The following KDM5A variants were observed in gnomAD, a reference collection of about 807,000 sequenced individuals.
KDM5A encodes lysine demethylase 5A.
A neutral mutation model predicts 193.5 loss-of-function variants in KDM5A; 42 were observed. The observed-to-expected ratio is 0.22, with a 90% CI of 0.17 to 0.28. The LOEUF (loss-of-function observed/expected upper bound fraction) is 0.28. Among genes scored for constraint, KDM5A ranks in the 10% least tolerant of loss-of-function variants. The pLI, the probability that KDM5A is intolerant of heterozygous loss-of-function variation, is 1.00. For missense variants in KDM5A, 1,692 were observed against 2,055.1 expected (o/e 0.82, Z 3.42); for synonymous variants, 796 against 718.1 (o/e 1.11, Z -1.73).
At position 307,123 on chromosome 12, in the gene KDM5A, G is replaced by A. The variant is rs754099610; in HGVS notation, c.3931-34C>T. ...CAAATAATTCCAAGATGAACAGCAA[G>A]ACATGCTAAACAGACAGGGTAATTA... On this transcript the variant is annotated intron_variant, in intron 23 of 27. Transcript: ENST00000399788. The surrounding 1 kb of genome is among the most constrained non-coding windows in gnomAD (Gnocchi z 4.3). The A allele has an allele frequency of 1.9e-6, 3 of 1,613,454 alleles. No individual in the cohort carries two copies. The South Asian group carries it at 3.3e-5, about 18-fold the overall frequency.
chr12:311,170 T>G (rs1943581333), intron 20 of KDM5A, 106 bp from the exon 21 acceptor site: 1 of 952,654 alleles, frequency 1.0e-6, no homozygotes, highest in African/African-American at 1.6e-5. Context: ...TTATTAAATA[T>G]TATTCTTTGA....
rs1187421991 is a variant in KDM5A, at chr12:307,883, G to A, written c.3501C>T (p.Arg1167=). Residue 1167 remains arginine (R), a synonymous_variant, in exon 23 of 28, where the codon CGC becomes CGT. Transcript: ENST00000399788. This position sits in a 1 kb window ranked among gnomAD's most constrained non-coding sequence, Gnocchi z 4.3. Reference sequence around the variant, plus strand: ...GTAGCATAAACCCACTGGCTGTCTTGCGGCAAATGCAAAATTTTACTTCTT... The same window carrying A: ...GTAGCATAAACCCACTGGCTGTCTTACGGCAAATGCAAAATTTTACTTCTT... The part of the protein sequence containing the change: ...RIEEVKFCIC[R]KTASGFMLQC... The A allele has an allele frequency of 4.3e-6, 7 of 1,613,952 alleles. No individual in the cohort carries two copies. In the African/African-American group the frequency reaches 8.0e-5, roughly 18 times the overall value.
rs2137354690 is a variant in KDM5A at position 285,465 on chromosome 12, C to T, written c.5064G>A (p.Glu1688=). ...SYKLPMEDLK[E]TS is the part of the protein sequence containing the mutation. ...ACTAACCAAGCATCTGCTAACTGGT[C>T]TCTTTAAGATCCTCCATTGGTAGTT... The change falls in exon 28 of 28, where the codon GAG becomes GAA. Residue 1688 remains glutamate (E), a synonymous_variant. Transcript: ENST00000399788. 2 of 1,613,890 alleles carry T rather than the reference C, an allele frequency of 1.2e-6. No homozygotes were observed. The highest frequency in any genetic ancestry group is 1.7e-6 in the Non-Finnish European group (2 of 1,179,858).
At chr12:366,929 G>A (rs1944364023) in intron 3 of KDM5A, among the ~76,000 whole-genome samples, 1 of 152,168 alleles carries the variant, frequency 6.6e-6, no homozygotes, top group East Asian at 1.9e-4. Flanking sequence ...TTTGTGTTTA[G>A]ATACATACAC....
intron 16 of KDM5A, 51 bp from the exon 17 acceptor site, chr12:322,618 G>C: frequency 6.5e-7 from 1 of 1,540,030 alleles, no homozygotes; most frequent in Non-Finnish European, 8.9e-7. Flanking sequence ...GACACAAAAA[G>C]CCATTCTAAA....
chr12:338,410 G>A (rs552274629), intron 10 of KDM5A, among the ~76,000 whole-genome samples: 1 of 152,296 alleles, frequency 6.6e-6, no homozygotes, highest in East Asian at 1.9e-4. Context: ...CTTTACACGT[G>A]TTGCCATAAT....
At chr12:321,608 T>C (rs1033642345) in intron 17 of KDM5A, among the ~76,000 whole-genome samples, 3 of 152,168 alleles carry the variant, frequency 2.0e-5, no homozygotes, top group Admixed American at 6.6e-5. Context: ...AACAAAATGG[T>C]AAATAAAAAA....
rs1394376421 is a variant in KDM5A at position 351,144 on chromosome 12, CTTTT to C, written c.1150-369_1150-366del. Among the ~76,000 whole-genome samples the C allele has an allele frequency of 2.0e-5, 3 of 152,040 alleles. 1 individual carries two copies. The highest frequency in any genetic ancestry group is 1.9e-4 in the East Asian group (1 of 5,196). On this transcript the variant is annotated intron_variant, in intron 9 of 27. Coordinates refer to ENST00000399788, the MANE Select transcript of KDM5A (RefSeq NM_001042603.3). The stretch of plus-strand genomic sequence containing the variant: ...TGATTTTAACACAAAATTTCATTTT[CTTTT>C]TGTTTTTAATTATACTTTAAGTTCT...
Position 356,466 on chromosome 12 carries a change from A to C in KDM5A, c.744T>G (p.Val248=). The C allele has an allele frequency of 6.2e-7, 1 of 1,613,136 alleles. No individual in the cohort carries two copies. Among genetic ancestry groups the C allele is most frequent in the Non-Finnish European group, 8.5e-7 (1 of 1,179,094 alleles). ...KLQIFGAGPK[V]VGLAMGTKDK... The stretch of plus-strand genomic sequence containing the variant: ...CTTTTGTTCCCATTGCCAAGCCCAC[A>C]ACCTTGGGCCCAGCCCCAAAAATCT... The change falls in exon 6 of 28, where the codon GTT becomes GTG. Residue 248 remains valine (V), a synonymous_variant. Transcript: ENST00000399788.
chr12:360,555 T>G (rs61103141), intron 5 of KDM5A, among the ~76,000 whole-genome samples: 5,820 of 152,158 alleles, frequency 0.038, 355 homozygotes, highest in African/African-American at 0.13. Flanking sequence ...AGAGATCAAT[T>G]AAGATATGAA....
rs1259931264 is a variant in KDM5A, at chr12:285,271, A to G, written c.*185T>C. ...ACCAAAGAAGACACCCTCTGCATAG[A>G]TATGTTGATAGAGAATGTAACCCAC... is the stretch of plus-strand genomic sequence containing the variant. On this transcript the variant is annotated 3_prime_UTR_variant, in exon 28 of 28. Transcript: ENST00000399788. The G allele has an allele frequency of 1.6e-6, 1 of 615,912 alleles. No homozygotes were observed. Among genetic ancestry groups the G allele is most frequent in the Non-Finnish European group, 2.9e-6 (1 of 344,750 alleles). The allele number at this position is 615,912 out of a possible 1,614,324, so 38.2% of individuals were successfully genotyped here. A position where few individuals can be genotyped will look rare whatever the true frequency, so the allele number is the denominator to read the frequency against.
chr12:333,522 T>C lies in KDM5A; in HGVS notation c.1618A>G (p.Met540Val), dbSNP rs1360207839. ...TGCTCCATTAGCACGTTGGGGTTCA[T>C]GATGGTAACTAACTGATGCAGAAGA... ...PDLLHQLVTI[M>V]NPNVLMEHGV... Residue 540 changes from methionine to valine, a missense_variant, in exon 12 of 28, where the codon ATG becomes GTG. Transcript: ENST00000399788. 1.2e-6 allele frequency: 2 copies of C among 1,614,048 alleles called. No homozygotes were observed. The highest frequency in any genetic ancestry group is 1.1e-5 in the South Asian group (1 of 91,086).
intron 5 of KDM5A, 93 bp from the exon 6 acceptor site, chr12:356,630 CG>C (rs1051503143): frequency 2.8e-5 from 22 of 778,488 alleles, no homozygotes; most frequent in Non-Finnish European, 4.9e-5. Flanking sequence ...CTCTTCAACA[CG>C]GAAGAACAAA....
chr12:285,962 T>G (rs550608995), intron 27 of KDM5A, among the ~76,000 whole-genome samples: 6 of 152,324 alleles, frequency 3.9e-5, no homozygotes, highest in African/African-American at 1.4e-4. Context: ...AAAAGGGAAC[T>G]TCTAATAGAG....
chr12:323,210 C>T lies in KDM5A; in HGVS notation c.2151-4G>A. 1 of 294,570 alleles carries T rather than the reference C, an allele frequency of 3.4e-6. No individual in the cohort carries two copies. Among genetic ancestry groups the T allele is most frequent in the Non-Finnish European group, 4.8e-6 (1 of 209,430 alleles). The allele number at this position is 294,570 out of a possible 1,614,324, so 18.2% of individuals were successfully genotyped here. ...GTCTTCTAATGGGTAGCGATATCTA[C>T]AAAAAAAAAAAAAAAAAAAAAAAAA... is the stretch of plus-strand genomic sequence containing the variant. On this transcript the variant is annotated splice_polypyrimidine_tract_variant and splice_region_variant and intron_variant, in intron 15 of 27. Coordinates refer to ENST00000399788, the MANE Select transcript of KDM5A (RefSeq NM_001042603.3).
chr12:311,183 G>T, intron 20 of KDM5A, 119 bp from the exon 21 acceptor site: 1 of 866,206 alleles, frequency 1.2e-6, no homozygotes, highest in Non-Finnish European at 1.8e-6. Context: ...TTCTTTGAAT[G>T]TAATTCCATC....
intron 22 of KDM5A, 98 bp from the exon 23 acceptor site, chr12:308,103 G>T: frequency 1.5e-6 from 2 of 1,342,946 alleles, no homozygotes; most frequent in Non-Finnish European, 2.1e-6. Context: ...CAAGTTATCA[G>T]TTATAAACAG....
chr12:386,064 T>C, intron 1 of KDM5A, 90 bp from the exon 2 acceptor site: 2 of 905,548 alleles, frequency 2.2e-6, no homozygotes, highest in Non-Finnish European at 3.6e-6. Flanking sequence ...TTGCCACAAA[T>C]CATGGTGCTA....
At chr12:299,049 C>A (rs778397081) in intron 24 of KDM5A, among the ~76,000 whole-genome samples, 1 of 151,992 alleles carries the variant, frequency 6.6e-6, no homozygotes, top group Non-Finnish European at 1.5e-5. Context: ...TATGGGACTA[C>A]GTGAAAAGAC....
Sources: gnomAD v4.1 joint callset for allele counts (sites outside exome capture counted in the v4.1 genomes callset) on GRCh38, gnomAD v4.1.1 for gene constraint, Gnocchi (gnomAD v3.1) non-coding constraint, MANE v1.5 for transcripts, NCBI Gene and HGNC (gene_info 2026-07-23, HGNC 2026-07-21) for gene names.